AP2B1: variants seen among roughly 807,000 people sequenced by gnomAD.
AP2B1 encodes AP-2 complex subunit beta.
A neutral mutation model predicts 102.0 loss-of-function variants in AP2B1; 23 were observed. The observed-to-expected ratio is 0.23, with a 90% CI of 0.16 to 0.32. AP2B1 has a LOEUF of 0.32. Among genes scored for constraint, AP2B1 ranks in the 10% least tolerant of loss-of-function variants. The probability of loss-of-function intolerance (pLI) is 1.00; values close to 1 mark genes in which losing one functional copy is unlikely to be tolerated. For synonymous variants in AP2B1, 381 were observed against 421.2 expected (o/e 0.90, Z 1.17); for missense variants, 541 against 1,157.4 (o/e 0.47, Z 7.73).
intron 12 of AP2B1, among the ~76,000 whole-genome samples, chr17:35,644,458 A>G (rs1353850482): frequency 6.6e-6 from 1 of 151,360 alleles, no homozygotes; most frequent in South Asian, 2.1e-4. Flanking sequence ...GCTCACTGCA[A>G]CCTCCACCTC....
At chr17:35,592,669 A>C (rs1051217764) in intron 1 of AP2B1, among the ~76,000 whole-genome samples, 8 of 152,080 alleles carry the variant, frequency 5.3e-5, no homozygotes, top group African/African-American at 1.9e-4. Context: ...CAGCCTCCCA[A>C]GTAGCTGGGA....
chr17:35,608,644 A>G (rs2073765539), intron 5 of AP2B1, among the ~76,000 whole-genome samples: 2 of 152,206 alleles, frequency 1.3e-5, no homozygotes, highest in African/African-American at 2.4e-5. Context: ...GCCCATGATG[A>G]AAACTTTCAT....
intron 18 of AP2B1, among the ~76,000 whole-genome samples, chr17:35,686,808 C>CA (rs1216353658): frequency 2.6e-5 from 4 of 151,458 alleles, no homozygotes; most frequent in Non-Finnish European, 2.9e-5. Flanking sequence ...ACTAAAAATG[C>CA]AAAAAAAATT....
intron 21 of AP2B1, among the ~76,000 whole-genome samples, chr17:35,721,951 T>C (rs587651211): frequency 1.3e-5 from 2 of 152,220 alleles, no homozygotes; most frequent in African/African-American, 4.8e-5. Context: ...GGTACAAGAA[T>C]TGCTTTAGGT....
chr17:35,638,997 A>G (rs2074691473), intron 10 of AP2B1, among the ~76,000 whole-genome samples: 1 of 152,130 alleles, frequency 6.6e-6, no homozygotes. Flanking sequence ...AGATTGTTAC[A>G]AATACAAGGT....
At chr17:35,699,062 G>A (rs587646244) in intron 18 of AP2B1, among the ~76,000 whole-genome samples, 1 of 152,306 alleles carries the variant, frequency 6.6e-6, no homozygotes, top group East Asian at 1.9e-4. Context: ...AGATCTCATA[G>A]CAGAATGGGT....
At chr17:35,683,123 C>T (rs968300393) in intron 18 of AP2B1, among the ~76,000 whole-genome samples, 2 of 152,100 alleles carry the variant, frequency 1.3e-5, no homozygotes, top group South Asian at 2.1e-4. Flanking sequence ...AGTAATCTGC[C>T]CACATGGACC....
Position 35,687,011 on chromosome 17 carries a change from C to T in AP2B1, c.2454+4187C>T, listed in dbSNP as rs190387266. 2.6e-3 allele frequency among the ~76,000 whole-genome samples: 392 copies of T among 152,328 alleles called. 1 individual carries two copies. Among genetic ancestry groups the T allele is most frequent in the Admixed American group, 8.0e-3 (123 of 15,304 alleles). ...AGAAAAGAAAAACCCAGTCCTGAGA[C>T]TTTTCTCCCTAACAAGACCTCCAAT... On this transcript the variant is annotated intron_variant, in intron 18 of 21. Coordinates refer to ENST00000610402, the MANE Select transcript of AP2B1 (RefSeq NM_001030006.2).
At chr17:35,651,047 G>T in intron 13 of AP2B1, 1 of 376,216 alleles carries the variant, frequency 2.7e-6, no homozygotes, top group Non-Finnish European at 4.8e-6. Context: ...GTACATTATG[G>T]CTTTAGAAAA....
At chr17:35,692,011 A>G (rs981107685) in intron 18 of AP2B1, among the ~76,000 whole-genome samples, 88 of 152,332 alleles carry the variant, frequency 5.8e-4, no homozygotes, top group African/African-American at 2.0e-3. Context: ...TCTACTAAGC[A>G]GTATCTTTTG....
intron 18 of AP2B1, among the ~76,000 whole-genome samples, chr17:35,696,175 A>G (rs976305386): frequency 1.3e-5 from 2 of 151,954 alleles, no homozygotes; most frequent in African/African-American, 4.8e-5. Context: ...CTCCTCACTT[A>G]TCTTAGAATA....
rs71152739 is a variant in AP2B1 at position 35,616,142 on chromosome 17, C to CTTTTTTTT, written c.525+7787_525+7794dup. ...TGAACTTAGGTTTTAAAAAATATCTCTTTTTTTTTTTTTTTTTTTTTTTTT... is the reference window on the plus strand; with the variant it reads ...TGAACTTAGGTTTTAAAAAATATCTCTTTTTTTTTTTTTTTTTTTTTTTTTTTTTTTTT... On this transcript the variant is annotated intron_variant, in intron 5 of 21. Coordinates refer to ENST00000610402, the MANE Select transcript of AP2B1 (RefSeq NM_001030006.2). 8.7e-5 allele frequency among the ~76,000 whole-genome samples: 5 copies of CTTTTTTTT among 57,436 alleles called. 1 individual carries two copies. The highest frequency in any genetic ancestry group is 3.0e-4 in the Admixed American group (1 of 3,294). 37.7% of individuals were successfully genotyped at this position (57,436 alleles called of 152,430 possible).
intron 20 of AP2B1, 150 bp downstream of exon 20, chr17:35,710,470 C>T (rs2076423392): frequency 1.6e-6 from 1 of 610,150 alleles, no homozygotes; most frequent in Non-Finnish European, 2.9e-6. Context: ...ACTTTGCAAA[C>T]CTCTGTTTAA....
chr17:35,660,368 C>A (rs1441434078), intron 14 of AP2B1, among the ~76,000 whole-genome samples: 2 of 152,018 alleles, frequency 1.3e-5, no homozygotes, highest in African/African-American at 4.8e-5. Context: ...GTCCATGGGC[C>A]ACATTTTGCA....
chr17:35,680,695 TTTTTG>T lies in AP2B1; in HGVS notation c.2325-1995_2325-1991del, dbSNP rs1228576120. On this transcript the variant is annotated intron_variant, in intron 17 of 21. Transcript: ENST00000610402. Reference sequence around the variant, plus strand: ...CCAGTCTATGGTTTTGGTTTTTTTTTTTTTGTTTTTTTTTTTTTTTTCAGACAGTC... The same window carrying T: ...CCAGTCTATGGTTTTGGTTTTTTTTTTTTTTTTTTTTTTTTTCAGACAGTC... Among the ~76,000 whole-genome samples the T allele has an allele frequency of 8.3e-3, 826 of 99,072 alleles. 10 individuals are homozygous for T. The highest frequency in any genetic ancestry group is 0.027 in the African/African-American group (677 of 25,022). The allele number at this position is 99,072 out of a possible 152,430, so 65.0% of individuals were successfully genotyped here.
chr17:35,698,333 G>A (rs898504644), intron 18 of AP2B1, among the ~76,000 whole-genome samples: 2 of 151,982 alleles, frequency 1.3e-5, no homozygotes, highest in Admixed American at 6.6e-5. Flanking sequence ...TTTGGAGACA[G>A]CATTCTCACA....
intron 5 of AP2B1, among the ~76,000 whole-genome samples, chr17:35,611,216 C>T (rs935003083): frequency 1.3e-4 from 20 of 152,156 alleles, no homozygotes; most frequent in Non-Finnish European, 2.5e-4. Flanking sequence ...TACCTGAGGA[C>T]AGATGAGATG....
intron 17 of AP2B1, among the ~76,000 whole-genome samples, chr17:35,676,795 A>T (rs1232682874): frequency 1.2e-5 from 1 of 85,202 alleles, no homozygotes; most frequent in African/African-American, 4.9e-5. Context: ...TTGGTCATAT[A>T]TATCTTTCAC....
At chr17:35,703,977 C>T (rs1424959473) in intron 18 of AP2B1, among the ~76,000 whole-genome samples, 1 of 152,090 alleles carries the variant, frequency 6.6e-6, no homozygotes, top group Non-Finnish European at 1.5e-5. Context: ...TAGTTTAGAA[C>T]TTGTCTGGAT....
Sources: allele counts gnomAD v4.1 joint callset (sites outside exome capture counted in the v4.1 genomes callset), GRCh38; gene constraint gnomAD v4.1.1; transcripts MANE v1.5; gene names NCBI Gene and HGNC (gene_info 2026-07-23, HGNC 2026-07-21).